The following PPARGC1A variants were observed in gnomAD, a reference collection of about 807,000 sequenced individuals.
PPARGC1A encodes peroxisome proliferator-activated receptor gamma coactivator 1-alpha.
PPARGC1A carries 25 observed loss-of-function variants against 88.7 expected under a neutral mutation model. The ratio of observed to expected loss-of-function variants is 0.28; its 90% CI spans 0.21 to 0.39. PPARGC1A has a LOEUF of 0.39. PPARGC1A is among the 10% of genes least tolerant of loss of function. The pLI is 1.00. For synonymous variants in PPARGC1A, 363 were observed against 355.6 expected (o/e 1.02, Z -0.24); for missense variants, 880 against 968.7 (o/e 0.91, Z 1.22).
the PPARGC1A span, among the ~76,000 whole-genome samples, chr4:24,195,796 T>C: frequency 6.6e-6 from 1 of 152,206 alleles, no homozygotes; most frequent in Non-Finnish European, 1.5e-5. Flanking sequence ...CTAGATACTC[T>C]AGGATTTATA....
the PPARGC1A span, among the ~76,000 whole-genome samples, chr4:24,052,854 A>AT: frequency 0.043 from 2,836 of 65,778 alleles, 830 homozygotes; most frequent in African/African-American, 0.055. Flanking sequence ...GCGTACGCAG[A>AT]TTTTTTTTTT....
the PPARGC1A span, among the ~76,000 whole-genome samples, chr4:24,127,525 TTA>T: frequency 2.0e-3 from 310 of 151,290 alleles, 1 homozygote; most frequent in Non-Finnish European, 3.2e-3. Context: ...ATGATTAACT[TTA>T]TATATATATA....
At chr4:24,207,154 CA>C in the PPARGC1A span, among the ~76,000 whole-genome samples, 1 of 151,958 alleles carries the variant, frequency 6.6e-6, no homozygotes, top group Non-Finnish European at 1.5e-5. Context: ...CCAGACAAGG[CA>C]AAATGGGAGA....
chr4:24,101,531 C>T, the PPARGC1A span, among the ~76,000 whole-genome samples: 2 of 152,146 alleles, frequency 1.3e-5, no homozygotes, highest in Admixed American at 1.3e-4. Flanking sequence ...CCCTAATTAC[C>T]CTGCTTTTAT....
chr4:24,104,926 T>A, the PPARGC1A span, among the ~76,000 whole-genome samples: 2 of 152,202 alleles, frequency 1.3e-5, no homozygotes, highest in African/African-American at 4.8e-5. Context: ...TTCCCTTCCC[T>A]GAGCCTCAAT....
At chr4:23,980,267 C>A in the PPARGC1A span, among the ~76,000 whole-genome samples, 1 of 149,706 alleles carries the variant, frequency 6.7e-6, no homozygotes, top group East Asian at 2.0e-4. Context: ...GTGATGTCAT[C>A]TATCTGCTCA....
At chr4:24,071,797 G>T in the PPARGC1A span, among the ~76,000 whole-genome samples, 2 of 152,098 alleles carry the variant, frequency 1.3e-5, no homozygotes, top group Non-Finnish European at 2.9e-5. Flanking sequence ...CCTTGGACAG[G>T]TCCCAGACCC....
chr4:23,910,147 T>A, the PPARGC1A span, among the ~76,000 whole-genome samples: 1 of 123,764 alleles, frequency 8.1e-6, no homozygotes, highest in Non-Finnish European at 1.6e-5. Flanking sequence ...TATATCTATA[T>A]TATATATAAT....
At chr4:24,067,068 C>T in the PPARGC1A span, among the ~76,000 whole-genome samples, 1 of 151,974 alleles carries the variant, frequency 6.6e-6, no homozygotes, top group African/African-American at 2.4e-5. Flanking sequence ...AATATCTATA[C>T]GTTCATTAGG....
chr4:24,380,123 C>T, the PPARGC1A span, among the ~76,000 whole-genome samples: 250 of 151,622 alleles, frequency 1.6e-3, no homozygotes, highest in Middle Eastern at 0.017. Context: ...TTTTTTTAAT[C>T]ATGGGACATT....
At chr4:24,336,523 T>C in the PPARGC1A span, among the ~76,000 whole-genome samples, 1 of 152,224 alleles carries the variant, frequency 6.6e-6, no homozygotes, top group Non-Finnish European at 1.5e-5. Flanking sequence ...TAAATGTGTA[T>C]GCCTTTTATC....
chr4:24,374,887 C>T, the PPARGC1A span, among the ~76,000 whole-genome samples: 1 of 152,072 alleles, frequency 6.6e-6, no homozygotes, highest in South Asian at 2.1e-4. Flanking sequence ...AATTCCACTC[C>T]TAAGTATATG....
At chr4:24,448,746 G>C in the PPARGC1A span, among the ~76,000 whole-genome samples, 2 of 152,056 alleles carry the variant, frequency 1.3e-5, no homozygotes, top group Non-Finnish European at 2.9e-5. Context: ...ACCACCCCTA[G>C]TCTGAATACC....
chr4:24,237,818 C>A, the PPARGC1A span, among the ~76,000 whole-genome samples: 2 of 152,136 alleles, frequency 1.3e-5, no homozygotes, highest in Non-Finnish European at 2.9e-5. Flanking sequence ...TCTAGCCTGT[C>A]ATTTTTCGAA....
intron 12 of PPARGC1A, among the ~76,000 whole-genome samples, chr4:23,800,667 A>C (rs1718500575): frequency 6.6e-6 from 1 of 151,456 alleles, no homozygotes; most frequent in Admixed American, 6.6e-5. Flanking sequence ...AAATACTGGA[A>C]GGCAAATCAC....
chr4:24,105,922 C>T, the PPARGC1A span, among the ~76,000 whole-genome samples: 3 of 152,236 alleles, frequency 2.0e-5, no homozygotes, highest in African/African-American at 4.8e-5. Context: ...GAATTGTTGA[C>T]GGCAAACATT....
chr4:24,002,348 G>A, the PPARGC1A span, among the ~76,000 whole-genome samples: 2 of 151,966 alleles, frequency 1.3e-5, no homozygotes, highest in East Asian at 1.9e-4. Flanking sequence ...GGATGGTCTC[G>A]ATCTCCTGAC....
the PPARGC1A span, among the ~76,000 whole-genome samples, chr4:24,123,923 AAAC>A: frequency 1.4e-5 from 2 of 145,226 alleles, no homozygotes; most frequent in Admixed American, 1.4e-4. Flanking sequence ...AAAAAAAAAA[AAAC>A]AAAAAAAACA....
At chr4:24,062,304 G>A in the PPARGC1A span, among the ~76,000 whole-genome samples, 1 of 152,126 alleles carries the variant, frequency 6.6e-6, no homozygotes, top group Admixed American at 6.5e-5. Context: ...ACGTTTCATA[G>A]GATATGACTG....
Sources: gnomAD v4.1 joint callset for allele counts (sites outside exome capture counted in the v4.1 genomes callset) on GRCh38, gnomAD v4.1.1 for gene constraint, MANE v1.5 for transcripts, NCBI Gene and HGNC (gene_info 2026-07-23, HGNC 2026-07-21) for gene names.